Variants in RTL9 observed in about 807,000 individuals in gnomAD.
RTL9 encodes retrotransposon Gag like 9, also known as retrotransposon Gag-like protein 9.
Under a neutral mutation model 44.7 loss-of-function variants are expected in RTL9, and 19 were observed. The ratio of observed to expected loss-of-function variants is 0.42; its 90% CI spans 0.30 to 0.62. RTL9 has a LOEUF of 0.62. RTL9 is among the 20% of genes least tolerant of loss of function. The probability of loss-of-function intolerance (pLI) is 0.16; values close to 1 mark genes in which losing one functional copy is unlikely to be tolerated. For synonymous variants in RTL9, 407 were observed against 398.9 expected (o/e 1.02, Z -0.24); for missense variants, 1,105 against 1,080.6 (o/e 1.02, Z -0.32).
intron 1 of RTL9, among the ~76,000 whole-genome samples, chrX:110,409,152 C>G (rs771167032): frequency 9.0e-6 from 1 of 110,753 alleles, no homozygotes; most frequent in African/African-American, 3.3e-5. Context: ...TGTAGGTCAG[C>G]ATAGTCGGGG....
At chrX:110,402,862 C>T (rs1428796010) in intron 1 of RTL9, among the ~76,000 whole-genome samples, 1 of 112,094 alleles carries the variant, frequency 8.9e-6, no homozygotes, top group African/African-American at 3.3e-5. Context: ...TGATTAGGAA[C>T]AGAAGAATGA....
chrX:110,384,339 T>C, intron 1 of RTL9, among the ~76,000 whole-genome samples: 1 of 111,029 alleles, frequency 9.0e-6, no homozygotes, highest in East Asian at 2.8e-4. Flanking sequence ...CTGCTCATAA[T>C]TGTTGTATGA....
exon 1 of RTL9, chrX:110,451,760 C>T (rs1163582205): frequency 3.3e-6 from 4 of 1,211,641 alleles, no homozygotes; most frequent in Non-Finnish European, 3.4e-6. Flanking sequence ...AAAATGTAGA[C>T]TCTGAAATGA....
intron 1 of RTL9, among the ~76,000 whole-genome samples, chrX:110,388,874 T>C (rs370493451): frequency 1.8e-5 from 2 of 112,430 alleles, no homozygotes; most frequent in Non-Finnish European, 3.8e-5. Flanking sequence ...ATGAGGAAAC[T>C]GTGTGATGTA....
chrX:110,383,167 C>A (rs894180729), intron 1 of RTL9, among the ~76,000 whole-genome samples: 2 of 111,649 alleles, frequency 1.8e-5, no homozygotes, highest in Admixed American at 9.5e-5. Flanking sequence ...TTGCACCCAA[C>A]CTGATGGTAG....
At chrX:110,413,100 C>T (rs2068652310) in intron 1 of RTL9, among the ~76,000 whole-genome samples, 1 of 111,559 alleles carries the variant, frequency 9.0e-6, no homozygotes, top group South Asian at 3.8e-4. Flanking sequence ...ATACCATCCT[C>T]ATACTGCTCA....
chrX:110,454,267 C>G (rs757279636), exon 1 of RTL9: 1 of 1,210,340 alleles, frequency 8.3e-7, no homozygotes, highest in Non-Finnish European at 1.1e-6. Flanking sequence ...GAAAATAAAT[C>G]TTTCCTGAGA....
chrX:110,397,010 C>T (rs903632817), intron 1 of RTL9, among the ~76,000 whole-genome samples: 7 of 111,934 alleles, frequency 6.3e-5, no homozygotes, highest in Non-Finnish European at 1.3e-4. Flanking sequence ...GGAGCTGACT[C>T]CGGAGCCCAC....
At chrX:110,451,785 G>C in exon 1 of RTL9, 1 of 1,211,461 alleles carries the variant, frequency 8.3e-7, no homozygotes, top group Non-Finnish European at 1.1e-6. Context: ...TAATCCGCCA[G>C]TGAGAGCAAC....
rs183494143 is a variant in RTL9, at chrX:110,407,713, G to T, written c.-167-37440G>T. 2.0e-3 allele frequency among the ~76,000 whole-genome samples: 222 copies of T among 112,307 alleles called. No individual in the cohort carries two copies. The Middle Eastern group carries it at 0.037, about 19-fold the overall frequency. On this transcript the variant is annotated intron_variant, in intron 1 of 2. Transcript: ENST00000520821. Reference sequence around the variant, plus strand: ...AGGGAGCTGTGCTGGCTTCTCAAATGGTTTGGGGCTATCTGTGTGAGGCTG... The same window carrying T: ...AGGGAGCTGTGCTGGCTTCTCAAATTGTTTGGGGCTATCTGTGTGAGGCTG...
exon 1 of RTL9, chrX:110,451,507 C>G: frequency 1.7e-6 from 2 of 1,211,958 alleles, no homozygotes; most frequent in Non-Finnish European, 2.2e-6. Context: ...ATACCTACCC[C>G]GCTCATGTCA....
exon 1 of RTL9, chrX:110,453,097 C>A (rs1210807414): frequency 8.3e-6 from 10 of 1,209,779 alleles, no homozygotes; most frequent in Non-Finnish European, 1.0e-5. Context: ...ACAGCCACAG[C>A]CTCTGGAATG....
At chrX:110,455,214 T>A in exon 2 of RTL9, 1 of 1,210,188 alleles carries the variant, frequency 8.3e-7, no homozygotes, top group Non-Finnish European at 1.1e-6. Flanking sequence ...CCAGCATGTT[T>A]CCAAACGCTG....
chrX:110,438,428 A>C (rs1019686038), intron 1 of RTL9, among the ~76,000 whole-genome samples: 1 of 111,658 alleles, frequency 9.0e-6, no homozygotes, highest in Admixed American at 9.5e-5. Context: ...TATAATCAGA[A>C]TCCGTAATCT....
chrX:110,397,973 A>G (rs1453229861), intron 1 of RTL9, among the ~76,000 whole-genome samples: 1 of 112,380 alleles, frequency 8.9e-6, no homozygotes, highest in Non-Finnish European at 1.9e-5. Flanking sequence ...GTGGAGCACG[A>G]ACCCGCTTCC....
upstream of RTL9, among the ~76,000 whole-genome samples, chrX:110,415,017 A>C (rs769924897): frequency 9.0e-6 from 1 of 111,575 alleles, no homozygotes; most frequent in Admixed American, 9.5e-5. Flanking sequence ...TGCCCACTTT[A>C]AATGCTCCTC....
At chrX:110,441,817 T>G (rs2068881847) in intron 1 of RTL9, among the ~76,000 whole-genome samples, 1 of 112,070 alleles carries the variant, frequency 8.9e-6, no homozygotes, top group South Asian at 3.7e-4. Flanking sequence ...AAGTTAATAC[T>G]TATTTCGTGC....
chrX:110,417,686 A>G (rs2068687660), upstream of RTL9, among the ~76,000 whole-genome samples: 3 of 112,277 alleles, frequency 2.7e-5, no homozygotes, highest in Admixed American at 1.9e-4. Context: ...TTCTGGAACT[A>G]TTACATTCTT....
intron 1 of RTL9, among the ~76,000 whole-genome samples, chrX:110,421,826 A>G (rs760777064): frequency 1.8e-5 from 2 of 112,736 alleles, no homozygotes; most frequent in South Asian, 3.7e-4. Context: ...GCCTTTGCCA[A>G]CCACCTTGAG....
Sources: gnomAD v4.1 joint callset for allele counts (sites outside exome capture counted in the v4.1 genomes callset) on GRCh38, gnomAD v4.1.1 for gene constraint, MANE v1.5 for transcripts, NCBI Gene and HGNC (gene_info 2026-07-23, HGNC 2026-07-21) for gene names.